The following CMTM4 variants were observed in gnomAD, a reference collection of about 807,000 sequenced individuals.
CMTM4 encodes CKLF-like MARVEL transmembrane domain-containing protein 4.
In CMTM4, 8 loss-of-function variants were observed where a neutral mutation model predicts 19.0. The observed-to-expected ratio is 0.42, with a 90% CI of 0.25 to 0.76. The LOEUF is 0.76. CMTM4 is among the 30% of genes least tolerant of loss of function. CMTM4 has a pLI of 0.27. For synonymous variants in CMTM4, 106 were observed against 121.1 expected, an observed-to-expected ratio of 0.88 and a Z score of 0.82; for missense variants, 228 against 290.2, an observed-to-expected ratio of 0.79 and a Z score of 1.56.
intron 2 of CMTM4, 119 bp from the exon 3 acceptor site, chr16:66,623,621 T>A: frequency 1.6e-6 from 1 of 616,826 alleles, no homozygotes; most frequent in Non-Finnish European, 2.8e-6. Flanking sequence ...GGCTCCATAT[T>A]TCAGTCTCAA....
rs1175730390 is a variant in CMTM4, at chr16:66,696,421, G to A, written c.105C>T (p.Ser35=). The change falls in exon 1 of 4, where the codon AGC becomes AGT. Residue 35 remains serine, a synonymous_variant. Coordinates refer to ENST00000394106, the MANE Select transcript of CMTM4 (RefSeq NM_181521.3). This position sits in a 1 kb window ranked among gnomAD's most constrained non-coding sequence, Gnocchi z 4.3. ...SPYQPTTEPV[S]QRRGLAGLRC... ...GCAGGCCGGCCAGCCCGCGGCGCTG[G>A]CTCACCGGCTCGGTGGTGGGCTGGT... 7.1e-7 allele frequency: 1 copy of A among 1,399,046 alleles called. No individual in the cohort carries two copies. The highest frequency in any genetic ancestry group is 9.3e-7 in the Non-Finnish European group (1 of 1,078,380). 86.7% of individuals were successfully genotyped at this position (1,399,046 alleles called of 1,614,324 possible).
At chr16:66,644,914 T>C (rs945392276) in intron 1 of CMTM4, among the ~76,000 whole-genome samples, 4 of 152,166 alleles carry the variant, frequency 2.6e-5, no homozygotes, top group Non-Finnish European at 5.9e-5. Flanking sequence ...GGTGAGAAAA[T>C]GTCAAATCAG....
chr16:66,642,304 G>C (rs1234414377), intron 1 of CMTM4, among the ~76,000 whole-genome samples: 1 of 152,232 alleles, frequency 6.6e-6, no homozygotes. Context: ...TGTCCAAAAA[G>C]ATGTATATAA....
At chr16:66,670,098 G>A (rs980551146) in intron 1 of CMTM4, among the ~76,000 whole-genome samples, 2 of 152,122 alleles carry the variant, frequency 1.3e-5, no homozygotes, top group Non-Finnish European at 2.9e-5. Context: ...GCCAACCAGA[G>A]AGAGGCTAAA....
At chr16:66,612,299 G>A (rs1028575283), downstream of CMTM4, among the ~76,000 whole-genome samples, 5 of 152,094 alleles carry the variant, frequency 3.3e-5, no homozygotes, top group African/African-American at 7.2e-5. The surrounding 1 kb of genome is among the most constrained non-coding windows in gnomAD (Gnocchi z 6.0). Context: ...CCAGCTACTC[G>A]GGAGGGAGGA....
chr16:66,663,267 G>C (rs2016530476), intron 1 of CMTM4, among the ~76,000 whole-genome samples: 1 of 152,134 alleles, frequency 6.6e-6, no homozygotes, highest in African/African-American at 2.4e-5. Flanking sequence ...AATTCATATG[G>C]AAAAAGACAA....
At chr16:66,666,920 G>A (rs2016604861) in intron 1 of CMTM4, among the ~76,000 whole-genome samples, 1 of 152,164 alleles carries the variant, frequency 6.6e-6, no homozygotes. Context: ...TTACTTGGAG[G>A]GAGGGAGGGA....
At chr16:66,633,009 TG>T (rs2015905969) in intron 2 of CMTM4, among the ~76,000 whole-genome samples, 3 of 150,946 alleles carry the variant, frequency 2.0e-5, no homozygotes, top group South Asian at 4.2e-4. Flanking sequence ...CGTTTGAACC[TG>T]GGAGGTGGAG....
In CMTM4 at chr16:66,616,330, T is replaced by C. The variant is rs998461359; in HGVS notation, c.*5728A>G. On this transcript the variant is annotated 3_prime_UTR_variant, in exon 4 of 4. Coordinates refer to ENST00000394106, the MANE Select transcript of CMTM4 (RefSeq NM_181521.3). Reference sequence around the variant, plus strand: ...TTGTAAATAAATAGTTTAGTGTTTCTGCCATGGGTTCCTGAACCCCTACAA... The same window carrying C: ...TTGTAAATAAATAGTTTAGTGTTTCCGCCATGGGTTCCTGAACCCCTACAA... 1.3e-5 allele frequency: 2 copies of C among 152,260 alleles called. No individual in the cohort carries two copies. The highest frequency in any genetic ancestry group is 4.8e-5 in the African/African-American group (2 of 41,468). The allele number at this position is 152,260 out of a possible 1,614,324, so 9.4% of individuals were successfully genotyped here.
chr16:66,656,216 T>A (rs1395775043), intron 1 of CMTM4, among the ~76,000 whole-genome samples: 1 of 152,022 alleles, frequency 6.6e-6, no homozygotes, highest in Non-Finnish European at 1.5e-5. Flanking sequence ...AAGGAAAAAC[T>A]CTTTCCTACA....
intron 2 of CMTM4, among the ~76,000 whole-genome samples, chr16:66,633,104 T>TATATATATATAAATATATATATAA (rs370924302): frequency 2.8e-4 from 7 of 24,822 alleles, no homozygotes; most frequent in Non-Finnish European, 6.6e-4. Flanking sequence ...TATATATAAA[T>TATATATATATAAATATATATATAA]ATATATATAT....
At chr16:66,612,640 G>C, downstream of CMTM4, 1 of 1,613,972 alleles carries the variant, frequency 6.2e-7, no homozygotes, top group Non-Finnish European at 8.5e-7. This position sits in a 1 kb window ranked among gnomAD's most constrained non-coding sequence, Gnocchi z 6.0. Context: ...CTGACTGAAG[G>C]CCTGGCGGGT....
chr16:66,671,323 T>G (rs2016702521), intron 1 of CMTM4, among the ~76,000 whole-genome samples: 1 of 152,094 alleles, frequency 6.6e-6, no homozygotes, highest in African/African-American at 2.4e-5. Flanking sequence ...CACGGGTGGC[T>G]GGATGGAAGG....
At chr16:66,693,693 T>G (rs2017178448) in intron 1 of CMTM4, among the ~76,000 whole-genome samples, 1 of 152,162 alleles carries the variant, frequency 6.6e-6, no homozygotes, top group Non-Finnish European at 1.5e-5. Flanking sequence ...GGCGAGATTC[T>G]GGGGGCTAGG....
Position 66,622,658 on chromosome 16 carries a change from A to AT in CMTM4, c.463-437dup, listed in dbSNP as rs1158307502. ...AAATACAGTGCAGACAAAATGTAACATAGACAGAAAATCAGGGTTTCGCAT... is the reference window on the plus strand; with the variant it reads ...AAATACAGTGCAGACAAAATGTAACATTAGACAGAAAATCAGGGTTTCGCAT... On this transcript the variant is annotated intron_variant, in intron 3 of 3. Transcript: ENST00000394106. This position sits in a 1 kb window ranked among gnomAD's most constrained non-coding sequence, Gnocchi z 4.0. Among the ~76,000 whole-genome samples the AT allele has an allele frequency of 6.6e-6, 1 of 152,218 alleles. No individual in the cohort carries two copies. The highest frequency in any genetic ancestry group is 2.4e-5 in the African/African-American group (1 of 41,450).
At position 66,696,449 on chromosome 16, in the gene CMTM4, G is replaced by C; in HGVS notation, c.77C>G (p.Pro26Arg). The C allele has an allele frequency of 7.4e-7, 1 of 1,349,256 alleles. No individual in the cohort carries two copies. The highest frequency in any genetic ancestry group is 9.5e-7 in the Non-Finnish European group (1 of 1,050,174). The allele number at this position is 1,349,256 out of a possible 1,614,324, so 83.6% of individuals were successfully genotyped here. Residue 26 changes from proline (P) to arginine (R), a missense_variant, in exon 1 of 4, where the codon CCG (proline) becomes CGG (arginine). Pro to Arg is a moderately radical substitution (Grantham distance 103). Around this residue, in one of 3 missense-constraint regions of CMTM4, gnomAD observed 21 missense variants for 43.1 expected, o/e 0.49. Coordinates refer to ENST00000394106, the MANE Select transcript of CMTM4 (RefSeq NM_181521.3). This position sits in a 1 kb window ranked among gnomAD's most constrained non-coding sequence, Gnocchi z 4.3. ...CACCGGCTCGGTGGTGGGCTGGTAC[G>C]GGCTGCTGGCGCCCGAGATCATGGA... is the stretch of plus-strand genomic sequence containing the variant. ...STSMISGASS[P>R]YQPTTEPVSQ... is the part of the protein sequence containing the mutation.
chr16:66,605,519 G>A, the CMTM4 span: 1 of 152,578 alleles, frequency 6.6e-6, no homozygotes, highest in Non-Finnish European at 1.5e-5. The surrounding 1 kb of genome is among the most constrained non-coding windows in gnomAD (Gnocchi z 4.6). Flanking sequence ...GGCCGGTGGG[G>A]CTTCTTTGTC....
At chr16:66,604,925 C>T in the CMTM4 span, 7 of 1,498,332 alleles carry the variant, frequency 4.7e-6, no homozygotes, top group Admixed American at 1.1e-4. Flanking sequence ...TCTGCTCTCT[C>T]AAAGGCCGCC....
chr16:66,692,622 A>G (rs1466570202), intron 1 of CMTM4, among the ~76,000 whole-genome samples: 1 of 152,172 alleles, frequency 6.6e-6, no homozygotes, highest in African/African-American at 2.4e-5. Flanking sequence ...CAAAAAGTCT[A>G]CAGCCCAACG....
Sources: allele counts gnomAD v4.1 joint callset (sites outside exome capture counted in the v4.1 genomes callset), GRCh38; gene constraint gnomAD v4.1.1; regional missense constraint gnomAD v4.1.1; non-coding constraint Gnocchi (gnomAD v3.1); transcripts MANE v1.5; gene names NCBI Gene and HGNC (gene_info 2026-07-23, HGNC 2026-07-21).